The following DPPA2 variants were observed in gnomAD, a reference collection of about 807,000 sequenced individuals.
DPPA2 encodes the protein developmental pluripotency-associated protein 2.
Under a neutral mutation model 36.2 loss-of-function variants are expected in DPPA2, and 26 were observed. The observed-to-expected ratio is 0.72, with a 90% CI of 0.53 to 1.00. The LOEUF (loss-of-function observed/expected upper bound fraction) is 1.00, where lower values mean the gene tolerates loss of function less well. Ranked by LOEUF, DPPA2 falls within the 50% of genes least tolerant of loss-of-function variation. The pLI is 0.00. For missense variants in DPPA2, 361 were observed against 365.1 expected (o/e 0.99, Z 0.09); for synonymous variants, 113 against 123.2 (o/e 0.92, Z 0.55).
chr3:109,298,347 T>A (rs555000684), intron 8 of DPPA2, among the ~76,000 whole-genome samples: 1 of 152,054 alleles, frequency 6.6e-6, no homozygotes, highest in Non-Finnish European at 1.5e-5. Flanking sequence ...TCAGGGAGCC[T>A]GAGGTGGGAG....
intron 7 of DPPA2, among the ~76,000 whole-genome samples, chr3:109,303,294 A>G (rs1395968477): frequency 6.6e-6 from 1 of 151,746 alleles, no homozygotes; most frequent in African/African-American, 2.4e-5. Flanking sequence ...CTTCCTCAGA[A>G]CGTGTAATCT....
intron 6 of DPPA2, among the ~76,000 whole-genome samples, chr3:109,306,546 G>A (rs1320527632): frequency 6.6e-6 from 1 of 151,986 alleles, no homozygotes; most frequent in African/African-American, 2.4e-5. Context: ...GGGAAAATGG[G>A]GGAGTAAAAA....
At chr3:109,313,410 A>G (rs149694030) in intron 2 of DPPA2, among the ~76,000 whole-genome samples, 1 of 152,314 alleles carries the variant, frequency 6.6e-6, no homozygotes, top group South Asian at 2.1e-4. Context: ...AGCAGTCTAC[A>G]CAGAGTAGGC....
Position 109,304,641 on chromosome 3 carries a change from G to C in DPPA2, c.688C>G (p.Leu230Val), listed in dbSNP as rs566329687. The C allele has an allele frequency of 1.2e-6, 2 of 1,611,468 alleles. No individual in the cohort carries two copies. The highest frequency in any genetic ancestry group is 2.2e-5 in the East Asian group (1 of 44,730). Residue 230 changes from leucine to valine, a missense_variant, in exon 7 of 9, where the codon CTT (leucine) becomes GTT (valine). By Grantham distance (32) the Leu-to-Val change is conservative. Coordinates refer to ENST00000478945, the MANE Select transcript of DPPA2 (RefSeq NM_138815.4). Reference protein sequence around the residue: ...GVRWCVVHGRLLSADTKGWVR... With the variant: ...GVRWCVVHGRVLSADTKGWVR... The stretch of plus-strand genomic sequence containing the variant: ...CAACCCTTTGTGTCTGCCGAGAGAA[G>C]TCTGCCATGGACCACACACCACCTG...
At chr3:109,307,896 A>T (rs1175624058) in intron 6 of DPPA2, 136 bp downstream of exon 6, 1 of 1,161,896 alleles carries the variant, frequency 8.6e-7, no homozygotes, top group African/African-American at 1.6e-5. Context: ...TAGAAGAAAG[A>T]TGTCCCATGT....
At chr3:109,299,875 C>T (rs1447682230) in intron 8 of DPPA2, among the ~76,000 whole-genome samples, 4 of 151,490 alleles carry the variant, frequency 2.6e-5, no homozygotes, top group African/African-American at 9.7e-5. Context: ...CCTGACTTAG[C>T]CTTCCCGGTA....
At chr3:109,305,143 T>G (rs576435503) in intron 6 of DPPA2, among the ~76,000 whole-genome samples, 1 of 151,694 alleles carries the variant, frequency 6.6e-6, no homozygotes, top group East Asian at 1.9e-4. Context: ...CAAAACTCCA[T>G]CTCAAAAAAT....
chr3:109,304,421 A>G, intron 7 of DPPA2, 54 bp downstream of exon 7: 1 of 1,496,734 alleles, frequency 6.7e-7, no homozygotes, highest in Non-Finnish European at 9.0e-7. Context: ...TTAGAAATCC[A>G]TCTATACACC....
chr3:109,300,396 C>A lies in DPPA2; in HGVS notation c.894G>T (p.Lys298Asn). 1 of 1,613,884 alleles carries A rather than the reference C, an allele frequency of 6.2e-7. No homozygotes were observed. The highest frequency in any genetic ancestry group is 8.5e-7 in the Non-Finnish European group (1 of 1,179,828). ...KMMKRLMTVE[K>N] ...ATTGTATTCAAACAGGTTGCTGCTA[C>A]TTCTCTACTGTCATTAATCTTTTCA... Residue 298 changes from lysine to asparagine, a missense_variant, in exon 8 of 9, where the codon AAG (lysine) becomes AAT (asparagine). Coordinates refer to ENST00000478945, the MANE Select transcript of DPPA2 (RefSeq NM_138815.4).
chr3:109,300,510 A>G (rs1707438702), intron 7 of DPPA2, 75 bp from the exon 8 acceptor site: 1 of 1,420,520 alleles, frequency 7.0e-7, no homozygotes, highest in Non-Finnish European at 9.9e-7. Flanking sequence ...TCCCTTTAAA[A>G]TGACCAATAA....
Position 109,316,317 on chromosome 3 carries a change from A to T in DPPA2, c.-47T>A, listed in dbSNP as rs976805548. 6.6e-6 allele frequency: 1 copy of T among 152,114 alleles called. No homozygotes were observed. Among genetic ancestry groups the T allele is most frequent in the Non-Finnish European group, 1.5e-5 (1 of 68,506 alleles). 9.4% of individuals were successfully genotyped at this position (152,114 alleles called of 1,614,324 possible). A position where few individuals can be genotyped will look rare whatever the true frequency, so the allele number is the denominator to read the frequency against. On this transcript the variant is annotated 5_prime_UTR_variant, in exon 1 of 9. Transcript: ENST00000478945. ...GAAGGAGATTGCGGGGACGGAGAGG[A>T]TGTGGGTAGGGGGCCTCACTGTGTT...
At chr3:109,300,142 C>A (rs1707433069) in intron 8 of DPPA2, among the ~76,000 whole-genome samples, 1 of 152,086 alleles carries the variant, frequency 6.6e-6, no homozygotes, top group Non-Finnish European at 1.5e-5. Context: ...TCAGGAGATA[C>A]CAAAGATGGT....
chr3:109,299,378 C>T (rs1017832586), intron 8 of DPPA2, among the ~76,000 whole-genome samples: 18 of 151,666 alleles, frequency 1.2e-4, no homozygotes, highest in Non-Finnish European at 2.5e-4. Flanking sequence ...GGTGTGGTGG[C>T]ACATGCCTGT....
At chr3:109,312,838 G>C (rs2107321061) in intron 2 of DPPA2, 146 bp from the exon 3 acceptor site, 3 of 1,065,502 alleles carry the variant, frequency 2.8e-6, no homozygotes, top group Non-Finnish European at 3.9e-6. Flanking sequence ...ATGTGATGTT[G>C]ATTAGCAGAC....
Position 109,308,071 on chromosome 3 carries a change from T to C in DPPA2, c.619A>G (p.Ile207Val), listed in dbSNP as rs370136127. 33 of 1,614,106 alleles carry C rather than the reference T, an allele frequency of 2.0e-5. No individual in the cohort carries two copies. The highest frequency in any genetic ancestry group is 2.7e-5 in the African/African-American group (2 of 74,944). Reference protein sequence around the residue: ...VQPKALNSCSIPVSVEAFLMQ... With the variant: ...VQPKALNSCSVPVSVEAFLMQ... ...AAAAAGGCCTCAACAGAAACAGGAA[T>C]GGAACATGAATTCAAAGCCTTAGGC... Residue 207 changes from isoleucine (I) to valine (V), a missense_variant, in exon 6 of 9, where the codon ATT becomes GTT. Coordinates refer to ENST00000478945, the MANE Select transcript of DPPA2 (RefSeq NM_138815.4).
intron 5 of DPPA2, 132 bp from the exon 6 acceptor site, chr3:109,308,425 C>T (rs926302777): frequency 4.8e-5 from 59 of 1,238,146 alleles, no homozygotes; most frequent in Middle Eastern, 4.7e-4. Flanking sequence ...TGCAATGGCA[C>T]GATCTCGGCT....
intron 3 of DPPA2, among the ~76,000 whole-genome samples, chr3:109,311,098 G>A (rs751503628): frequency 4.4e-4 from 67 of 152,084 alleles, no homozygotes; most frequent in Non-Finnish European, 8.5e-4. Flanking sequence ...CATCATGTCC[G>A]GCCTCAAACC....
At chr3:109,302,204 A>G (rs969043669) in intron 7 of DPPA2, among the ~76,000 whole-genome samples, 1 of 152,158 alleles carries the variant, frequency 6.6e-6, no homozygotes. Flanking sequence ...ATGACTCCCA[A>G]AGATGTTTAG....
chr3:109,294,321 G>A (rs1203567087), intron 8 of DPPA2, among the ~76,000 whole-genome samples: 1 of 152,156 alleles, frequency 6.6e-6, no homozygotes, highest in Non-Finnish European at 1.5e-5. Flanking sequence ...ATTGATTAAT[G>A]ATACTTTCAG....
Sources: allele counts gnomAD v4.1 joint callset (sites outside exome capture counted in the v4.1 genomes callset), GRCh38; gene constraint gnomAD v4.1.1; transcripts MANE v1.5; gene names NCBI Gene and HGNC (gene_info 2026-07-23, HGNC 2026-07-21).